TTC23: variants seen among roughly 807,000 people sequenced by gnomAD.
TTC23 encodes the protein tetratricopeptide repeat protein 23.
In TTC23, 58 loss-of-function variants were observed where a neutral mutation model predicts 55.1. That is an observed-to-expected ratio of 1.05 (90% CI 0.85 to 1.31). TTC23 has a LOEUF of 1.31. Among genes scored for constraint, TTC23 ranks in the 50% most tolerant of loss-of-function variants. TTC23 has a pLI of 0.00. For synonymous variants in TTC23, 203 were observed against 199.9 expected (o/e 1.02, Z -0.13); for missense variants, 516 against 534.4 (o/e 0.97, Z 0.34).
At chr15:99,235,357 ATTT>A (rs58184291) in intron 3 of TTC23, among the ~76,000 whole-genome samples, 2 of 133,694 alleles carry the variant, frequency 1.5e-5, no homozygotes. Context: ...CATTTTAAGC[ATTT>A]TTTTTTTTTT....
At chr15:99,170,813 GC>G (rs1780850573) in intron 10 of TTC23, among the ~76,000 whole-genome samples, 1 of 152,238 alleles carries the variant, frequency 6.6e-6, no homozygotes, top group South Asian at 2.1e-4. Context: ...TCCTGCTGCA[GC>G]CCCTGGCTGG....
chr15:99,182,633 T>C (rs946660588), intron 9 of TTC23, among the ~76,000 whole-genome samples: 13 of 152,188 alleles, frequency 8.5e-5, no homozygotes, highest in Admixed American at 6.5e-5. Context: ...CTTTCTCTTT[T>C]TTTTCTCTTC....
intron 11 of TTC23, chr15:99,158,434 CG>C (rs933573019): frequency 1.3e-5 from 2 of 152,122 alleles, no homozygotes; most frequent in African/African-American, 4.8e-5. Context: ...TTAAATGGCA[CG>C]GGTTTCTAGG....
chr15:99,160,195 C>T (rs1415429011), intron 11 of TTC23: 2 of 151,774 alleles, frequency 1.3e-5, no homozygotes, highest in African/African-American at 4.8e-5. Context: ...GGCATAAAAG[C>T]CCGTGTTCCC....
chr15:99,200,490 A>C (rs1047931665), intron 8 of TTC23, among the ~76,000 whole-genome samples: 3 of 152,218 alleles, frequency 2.0e-5, no homozygotes, highest in African/African-American at 7.2e-5. Flanking sequence ...AAAACTGTTA[A>C]ATACTTTACA....
In TTC23 at chr15:99,166,120, G is replaced by A. The variant is rs146231249; in HGVS notation, c.866-4253C>T. On this transcript the variant is annotated intron_variant, in intron 10 of 13. Transcript: ENST00000394132. ...CAGACTCCGGGCTTTGGCTGAAGCAGCACTGCCATGCTCAGGGAAAGGCAG... is the reference window on the plus strand; with the variant it reads ...CAGACTCCGGGCTTTGGCTGAAGCAACACTGCCATGCTCAGGGAAAGGCAG... 2.8e-3 allele frequency among the ~76,000 whole-genome samples: 433 copies of A among 152,328 alleles called. 1 individual carries two copies. Among genetic ancestry groups the A allele is most frequent in the African/African-American group, 8.7e-3 (361 of 41,558 alleles).
chr15:99,236,178 T>C (rs1311062245), intron 3 of TTC23, among the ~76,000 whole-genome samples: 1 of 152,242 alleles, frequency 6.6e-6, no homozygotes, highest in Admixed American at 6.5e-5. Flanking sequence ...CTGGATCATA[T>C]GATAATTATG....
At chr15:99,247,795 G>C (rs1485856900) in intron 1 of TTC23, among the ~76,000 whole-genome samples, 1 of 150,984 alleles carries the variant, frequency 6.6e-6, no homozygotes, top group Admixed American at 6.6e-5. Context: ...AAATTTTCTA[G>C]GATGATGAAA....
At chr15:99,176,757 C>T (rs2073605245) in intron 9 of TTC23, among the ~76,000 whole-genome samples, 1 of 152,176 alleles carries the variant, frequency 6.6e-6, no homozygotes, top group Non-Finnish European at 1.5e-5. Context: ...TTGTTATCTT[C>T]ATTTTATACA....
chr15:99,164,619 AT>A (rs2071806287), intron 10 of TTC23, among the ~76,000 whole-genome samples: 2 of 152,130 alleles, frequency 1.3e-5, no homozygotes, highest in East Asian at 3.8e-4. Flanking sequence ...TTTCCTCAAT[AT>A]TTGGTTATTC....
At chr15:99,244,520 A>G (rs2080074389) in intron 2 of TTC23, among the ~76,000 whole-genome samples, 1 of 152,212 alleles carries the variant, frequency 6.6e-6, no homozygotes, top group African/African-American at 2.4e-5. Flanking sequence ...ATCTGAAAAT[A>G]AAATTAAGAA....
At chr15:99,173,056 A>C (rs2073136298) in intron 10 of TTC23, among the ~76,000 whole-genome samples, 1 of 152,210 alleles carries the variant, frequency 6.6e-6, no homozygotes, top group Non-Finnish European at 1.5e-5. Context: ...GCTGGAAACC[A>C]GAATCCCTCT....
At chr15:99,141,639 C>A (rs573016810) in intron 12 of TTC23, among the ~76,000 whole-genome samples, 50 of 152,276 alleles carry the variant, frequency 3.3e-4, no homozygotes, top group African/African-American at 1.2e-3. Flanking sequence ...GGACTTACTA[C>A]TGAAGCCTGT....
chr15:99,190,516 G>C (rs1398407079), intron 9 of TTC23, among the ~76,000 whole-genome samples: 1 of 152,012 alleles, frequency 6.6e-6, no homozygotes, highest in Non-Finnish European at 1.5e-5. Context: ...ATCTTCAAAT[G>C]ATTAAAAAAT....
intron 1 of TTC23, among the ~76,000 whole-genome samples, chr15:99,247,145 A>G (rs1290470031): frequency 2.0e-5 from 3 of 152,244 alleles, no homozygotes; most frequent in Non-Finnish European, 2.9e-5. Context: ...CTGAATGACT[A>G]CAATGAATAA....
intron 9 of TTC23, among the ~76,000 whole-genome samples, chr15:99,191,410 C>T (rs1026338225): frequency 1.3e-5 from 2 of 152,264 alleles, no homozygotes; most frequent in East Asian, 3.9e-4. Flanking sequence ...TGAATTTTGT[C>T]AGGAGAAATG....
intron 11 of TTC23, chr15:99,159,395 T>C (rs2071047891): frequency 6.6e-6 from 1 of 152,226 alleles, no homozygotes; most frequent in Admixed American, 6.5e-5. Flanking sequence ...AATATCCACA[T>C]GAATATATAC....
Position 99,249,556 on chromosome 15 carries a change from T to TAAA in TTC23, c.-817_-816insTTT, listed in dbSNP as rs2080547692. On this transcript the variant is annotated 5_prime_UTR_variant, in exon 1 of 14. The change creates a premature stop within an existing upstream ORF in the 5' untranslated region. Transcript: ENST00000394132. ...AAGTAGGGCAGTTCCGGAGCAGCCT[T>TAAA]TTCCCATAAAGCAAGCGGGTACCTC... is the stretch of plus-strand genomic sequence containing the variant. The TAAA allele has an allele frequency of 6.6e-6, 1 of 152,204 alleles. No homozygotes were observed. Among genetic ancestry groups the TAAA allele is most frequent in the African/African-American group, 2.4e-5 (1 of 41,424 alleles). The allele number at this position is 152,204 out of a possible 1,614,324, so 9.4% of individuals were successfully genotyped here. A position where few individuals can be genotyped will look rare whatever the true frequency, so the allele number is the denominator to read the frequency against.
chr15:99,184,393 C>A (rs2074466085), intron 9 of TTC23, among the ~76,000 whole-genome samples: 1 of 152,226 alleles, frequency 6.6e-6, no homozygotes, highest in African/African-American at 2.4e-5. Flanking sequence ...TTGTACCCTG[C>A]AAAGCCACAG....
Sources: gnomAD v4.1 joint callset for allele counts (sites outside exome capture counted in the v4.1 genomes callset) on GRCh38, gnomAD v4.1.1 for gene constraint, MANE v1.5 for transcripts, NCBI Gene and HGNC (gene_info 2026-07-23, HGNC 2026-07-21) for gene names.